Variants in GABRG3 observed in about 807,000 individuals in gnomAD.
GABRG3 encodes the protein gamma-aminobutyric acid receptor subunit gamma-3.
In GABRG3, 25 loss-of-function variants were observed where a neutral mutation model predicts 48.8. That is an observed-to-expected ratio of 0.51 (90% CI 0.37 to 0.72). GABRG3 has a LOEUF of 0.72. Among genes scored for constraint, GABRG3 ranks in the 30% least tolerant of loss-of-function variants. GABRG3 has a pLI of 0.00. For synonymous variants in GABRG3, 227 were observed against 217.6 expected (o/e 1.04, Z -0.38); for missense variants, 394 against 577.9 (o/e 0.68, Z 3.26).
At chr15:27,026,279 G>A (rs1239868298) in intron 2 of GABRG3, among the ~76,000 whole-genome samples, 2 of 152,160 alleles carry the variant, frequency 1.3e-5, no homozygotes, top group Non-Finnish European at 2.9e-5. Context: ...TTTGCCTTGA[G>A]TTGCTTTGCT....
intron 3 of GABRG3, among the ~76,000 whole-genome samples, chr15:27,231,008 AAT>A (rs1491168611): frequency 2.5e-5 from 3 of 120,464 alleles, no homozygotes; most frequent in Non-Finnish European, 5.0e-5. Context: ...AAAACAGTAA[AAT>A]GTGTGTGTGT....
At chr15:27,144,330 C>G (rs1898158854) in intron 3 of GABRG3, among the ~76,000 whole-genome samples, 2 of 152,106 alleles carry the variant, frequency 1.3e-5, no homozygotes, top group African/African-American at 4.8e-5. Flanking sequence ...CCTGGTAGCC[C>G]CTGGAAGAGG....
intron 2 of GABRG3, among the ~76,000 whole-genome samples, chr15:27,025,092 G>T (rs1281241522): frequency 6.6e-6 from 1 of 150,542 alleles, no homozygotes; most frequent in East Asian, 1.9e-4. Context: ...GTGAGTGTGT[G>T]TGTGTGTGCG....
chr15:27,054,266 G>A (rs1369217914), intron 3 of GABRG3, among the ~76,000 whole-genome samples: 2 of 151,972 alleles, frequency 1.3e-5, no homozygotes, highest in South Asian at 4.2e-4. Context: ...GAAAAAAGGA[G>A]GGAGGGTGTG....
chr15:27,178,835 A>G lies in GABRG3; in HGVS notation c.271-147974A>G, dbSNP rs529903803. The stretch of plus-strand genomic sequence containing the variant: ...GGCCCCTCTCTAGAATGGGGGTCTG[A>G]TGACCTACAGTCAAACAAAGTAGGG... On this transcript the variant is annotated intron_variant, in intron 3 of 9. Coordinates refer to ENST00000615808, the MANE Select transcript of GABRG3 (RefSeq NM_033223.5). Among the ~76,000 whole-genome samples, 262 of 152,296 alleles carry G rather than the reference A, an allele frequency of 1.7e-3. 1 individual carries two copies. The highest frequency in any genetic ancestry group is 3.4e-3 in the Non-Finnish European group (228 of 68,028).
intron 3 of GABRG3, among the ~76,000 whole-genome samples, chr15:27,226,593 C>T (rs1191309330): frequency 1.3e-5 from 2 of 152,230 alleles, no homozygotes; most frequent in South Asian, 2.1e-4. Flanking sequence ...GGCTGCCATC[C>T]GGATGCCCCG....
chr15:27,109,379 G>A (rs1897504679), intron 3 of GABRG3, among the ~76,000 whole-genome samples: 1 of 152,078 alleles, frequency 6.6e-6, no homozygotes, highest in Admixed American at 6.5e-5. Context: ...TTCACTCTGT[G>A]TTGTACATTC....
At chr15:27,136,825 G>A (rs1898016572) in intron 3 of GABRG3, among the ~76,000 whole-genome samples, 2 of 152,096 alleles carry the variant, frequency 1.3e-5, no homozygotes, top group South Asian at 2.1e-4. Flanking sequence ...CTCCCAGGGA[G>A]CCCACCCTCC....
At chr15:27,147,819 A>G (rs1441604029) in intron 3 of GABRG3, among the ~76,000 whole-genome samples, 1 of 152,044 alleles carries the variant, frequency 6.6e-6, no homozygotes, top group Non-Finnish European at 1.5e-5. Context: ...AGATGCTGCA[A>G]CAGCAGTGCT....
intron 3 of GABRG3, among the ~76,000 whole-genome samples, chr15:27,286,786 A>G (rs185056615): frequency 6.6e-6 from 1 of 152,306 alleles, no homozygotes; most frequent in East Asian, 1.9e-4. Context: ...AACATGTTAT[A>G]ATTCTGATGA....
chr15:27,399,646 A>T (rs1219143040), intron 5 of GABRG3, among the ~76,000 whole-genome samples: 2 of 152,206 alleles, frequency 1.3e-5, no homozygotes. Context: ...TGGGGCCCTT[A>T]GTTAGGAAGG....
chr15:27,174,584 G>GTCTCTCTC (rs150022606), intron 3 of GABRG3, among the ~76,000 whole-genome samples: 2,013 of 139,696 alleles, frequency 0.014, 55 homozygotes, highest in African/African-American at 0.047. Context: ...TCTCTCTCTC[G>GTCTCTCTC]TCTCTCTCTC....
chr15:27,261,501 C>A (rs1890765631), intron 3 of GABRG3, among the ~76,000 whole-genome samples: 1 of 150,640 alleles, frequency 6.6e-6, no homozygotes, highest in African/African-American at 2.4e-5. Flanking sequence ...ATCACACACC[C>A]TTACGTACTA....
intron 3 of GABRG3, among the ~76,000 whole-genome samples, chr15:27,297,627 C>T (rs1161461467): frequency 6.6e-6 from 1 of 152,150 alleles, no homozygotes; most frequent in Non-Finnish European, 1.5e-5. Flanking sequence ...CTATACCATT[C>T]TATGTTTGTG....
intron 2 of GABRG3, among the ~76,000 whole-genome samples, chr15:26,985,341 C>T (rs932863585): frequency 6.6e-6 from 1 of 152,180 alleles, no homozygotes; most frequent in African/African-American, 2.4e-5. Flanking sequence ...GGAATCCCTG[C>T]CCGTTCCTGG....
At chr15:27,397,868 G>T (rs146356028) in intron 5 of GABRG3, among the ~76,000 whole-genome samples, 25 of 147,746 alleles carry the variant, frequency 1.7e-4, no homozygotes, top group Non-Finnish European at 3.1e-4. Flanking sequence ...GCAGTGGTGC[G>T]ATCTCGGCTC....
At chr15:27,302,400 A>G (rs1048644593) in intron 3 of GABRG3, among the ~76,000 whole-genome samples, 1 of 152,094 alleles carries the variant, frequency 6.6e-6, no homozygotes, top group Non-Finnish European at 1.5e-5. Flanking sequence ...GGACAGTTAC[A>G]CTACATAATG....
chr15:27,496,352 C>T (rs868666022), intron 6 of GABRG3, among the ~76,000 whole-genome samples: 17 of 152,116 alleles, frequency 1.1e-4, no homozygotes, highest in Non-Finnish European at 2.2e-4. Flanking sequence ...TGGCTGGAAT[C>T]GGGTGATTAT....
At chr15:27,397,077 C>T (rs542086515) in intron 5 of GABRG3, among the ~76,000 whole-genome samples, 29 of 152,016 alleles carry the variant, frequency 1.9e-4, no homozygotes, top group African/African-American at 5.8e-4. Context: ...TACATTTTTA[C>T]GGTACATAAA....
Sources: allele counts gnomAD v4.1 joint callset (sites outside exome capture counted in the v4.1 genomes callset), GRCh38; gene constraint gnomAD v4.1.1; transcripts MANE v1.5; gene names NCBI Gene and HGNC (gene_info 2026-07-23, HGNC 2026-07-21).